CISD2: variants seen among roughly 807,000 people sequenced by gnomAD.
The protein encoded by CISD2 is CDGSH iron sulfur domain 2, also known as CDGSH iron-sulfur domain-containing protein 2.
Under a neutral mutation model 12.9 loss-of-function variants are expected in CISD2, and 1 was observed. The ratio of observed to expected loss-of-function variants is 0.08; its 90% confidence interval spans 0.03 to 0.37. The LOEUF (loss-of-function observed/expected upper bound fraction) is 0.37. CISD2 is among the 10% of genes least tolerant of loss of function. The pLI, the probability that CISD2 is intolerant of heterozygous loss-of-function variation, is 0.99. For synonymous variants in CISD2, 50 were observed against 60.6 expected, an observed-to-expected ratio of 0.83 and a Z score of 0.81; for missense variants, 97 against 163.1, an observed-to-expected ratio of 0.59 and a Z score of 2.21.
intron 1 of CISD2, among the ~76,000 whole-genome samples, chr4:102,875,208 T>A (rs2110393691): frequency 6.6e-6 from 1 of 152,380 alleles, no homozygotes; most frequent in South Asian, 2.1e-4. Flanking sequence ...AAGCTCCTCC[T>A]CCCATATTCC....
At chr4:102,878,650 T>G (rs911046137) in intron 1 of CISD2, among the ~76,000 whole-genome samples, 1 of 152,216 alleles carries the variant, frequency 6.6e-6, no homozygotes, top group African/African-American at 2.4e-5. Flanking sequence ...TGAGACCACG[T>G]CAGCCTGGAT....
Position 102,869,075 on chromosome 4 carries a change from G to A in CISD2, c.-10G>A, listed in dbSNP as rs1733337542. ...GGGGCTCGGGAGAGGAGTGGACGCC[G>A]CTGGCCAGGATGGTGCTGGAGAGCG... On this transcript the variant is annotated 5_prime_UTR_variant, in exon 1 of 3. Coordinates refer to ENST00000273986, the MANE Select transcript of CISD2 (RefSeq NM_001008388.5). 6.2e-7 allele frequency: 1 copy of A among 1,605,234 alleles called. No homozygotes were observed. The highest frequency in any genetic ancestry group is 2.3e-5 in the East Asian group (1 of 44,432).
At chr4:102,869,519 T>A in intron 1 of CISD2, 1 of 702,470 alleles carries the variant, frequency 1.4e-6, no homozygotes, top group South Asian at 1.5e-5. Flanking sequence ...CTCTGTAGCG[T>A]ACTTGTTTAT....
Position 102,892,529 on chromosome 4 carries a change from A to G in CISD2, c.*5099A>G, listed in dbSNP as rs1197058815. On this transcript the variant is annotated 3_prime_UTR_variant, in exon 3 of 3. Coordinates refer to ENST00000273986, the MANE Select transcript of CISD2 (RefSeq NM_001008388.5). ...TTCAGAAAGACTATGTTTTTCAACC[A>G]GAGATGACATCACTCTAACTTTCCT... 6 of 152,250 alleles carry G rather than the reference A, an allele frequency of 3.9e-5. No homozygotes were observed. The highest frequency in any genetic ancestry group is 3.9e-4 in the Admixed American group (6 of 15,280). The allele number at this position is 152,250 out of a possible 1,614,324, so 9.4% of individuals were successfully genotyped here. A position where few individuals can be genotyped will look rare whatever the true frequency, so the allele number is the denominator to read the frequency against.
At chr4:102,884,135 A>G (rs549366052) in intron 1 of CISD2, among the ~76,000 whole-genome samples, 12 of 152,334 alleles carry the variant, frequency 7.9e-5, no homozygotes, top group Non-Finnish European at 1.5e-5. Flanking sequence ...TTGATTCATG[A>G]TAACTGACAA....
intron 1 of CISD2, among the ~76,000 whole-genome samples, chr4:102,876,363 A>G (rs1237552099): frequency 1.3e-5 from 2 of 152,230 alleles, no homozygotes; most frequent in Non-Finnish European, 2.9e-5. Flanking sequence ...CACTGGTTAC[A>G]TAGATATAAA....
At chr4:102,879,310 GAA>G (rs1318940440) in intron 1 of CISD2, among the ~76,000 whole-genome samples, 2 of 151,988 alleles carry the variant, frequency 1.3e-5, no homozygotes, top group African/African-American at 4.8e-5. Context: ...TTAACAATGA[GAA>G]ATTGATTTAT....
At chr4:102,869,713 G>A (rs956534137) in intron 1 of CISD2, among the ~76,000 whole-genome samples, 2 of 152,132 alleles carry the variant, frequency 1.3e-5, no homozygotes, top group African/African-American at 4.8e-5. Context: ...ATTCCCTCAG[G>A]TTAGAATTGA....
At chr4:102,869,210 T>C in intron 1 of CISD2, 23 bp downstream of exon 1, 1 of 1,588,496 alleles carries the variant, frequency 6.3e-7, no homozygotes. Context: ...CATCAGCCAG[T>C]CCCCATCCTT....
chr4:102,873,338 A>G (rs1167193973), intron 1 of CISD2, among the ~76,000 whole-genome samples: 2 of 151,942 alleles, frequency 1.3e-5, no homozygotes, highest in Non-Finnish European at 2.9e-5. Flanking sequence ...CATGATCTCT[A>G]CCCACTCATT....
At position 102,869,088 on chromosome 4, in the gene CISD2, G is replaced by T; in HGVS notation, c.4G>T (p.Val2Leu). The change falls in exon 1 of 3, where the codon GTG (valine) becomes TTG (leucine). Residue 2 changes from valine (V) to leucine (L), a missense_variant. By Grantham distance (32) the Val-to-Leu change is conservative. Coordinates refer to ENST00000273986, the MANE Select transcript of CISD2 (RefSeq NM_001008388.5). ...GGAGTGGACGCCGCTGGCCAGGATG[G>T]TGCTGGAGAGCGTGGCCCGTATCGT... is the stretch of plus-strand genomic sequence containing the variant. M[V>L]LESVARIVKV... 1.2e-6 allele frequency: 2 copies of T among 1,610,358 alleles called. No individual in the cohort carries two copies. Among genetic ancestry groups the T allele is most frequent in the Non-Finnish European group, 1.7e-6 (2 of 1,178,672 alleles).
chr4:102,879,364 AG>A (rs1328122362), intron 1 of CISD2, among the ~76,000 whole-genome samples: 7 of 152,048 alleles, frequency 4.6e-5, no homozygotes, highest in Admixed American at 6.6e-5. Context: ...AAAAATCAGA[AG>A]GGGGGGATTG....
chr4:102,870,127 G>A (rs1733394024), intron 1 of CISD2, among the ~76,000 whole-genome samples: 1 of 152,214 alleles, frequency 6.6e-6, no homozygotes, highest in Non-Finnish European at 1.5e-5. Context: ...TAATTCTGAG[G>A]TAAATAGGGT....
rs1159559645 is a variant in CISD2, at chr4:102,890,708, G to A, written c.*3278G>A. 6.6e-6 allele frequency: 1 copy of A among 151,896 alleles called. No homozygotes were observed. Among genetic ancestry groups the A allele is most frequent in the Non-Finnish European group, 1.5e-5 (1 of 68,044 alleles). The allele number at this position is 151,896 out of a possible 1,614,324, so 9.4% of individuals were successfully genotyped here. ...AATGCAAAAATTAGCCGGGCACAGT[G>A]GCGCACCAGTAGTCCCAGTTACTCG... On this transcript the variant is annotated 3_prime_UTR_variant, in exon 3 of 3. Transcript: ENST00000273986.
intron 1 of CISD2, among the ~76,000 whole-genome samples, chr4:102,883,172 C>T (rs890872060): frequency 6.6e-6 from 1 of 152,218 alleles, no homozygotes; most frequent in South Asian, 2.1e-4. Context: ...GCATGCCTTT[C>T]ATATGCAAAC....
rs756757274 is a variant in CISD2, at chr4:102,890,840, T to TGAAAAAAAAAAAAA, written c.*3410_*3411insGAAAAAAAAAAAAA. On this transcript the variant is annotated 3_prime_UTR_variant, in exon 3 of 3. Transcript: ENST00000273986. Reference sequence around the variant, plus strand: ...GGGCAACAGAAGTGAAACCCTATCTTAAAAAAAAAAAAAGTCTTTTTTTTT... The same window carrying TGAAAAAAAAAAAAA: ...GGGCAACAGAAGTGAAACCCTATCTTGAAAAAAAAAAAAAAAAAAAAAAAAAAGTCTTTTTTTTT... 2.6e-5 allele frequency: 2 copies of TGAAAAAAAAAAAAA among 76,232 alleles called. 1 individual carries two copies. The highest frequency in any genetic ancestry group is 1.7e-4 in the African/African-American group (2 of 11,584). The allele number at this position is 76,232 out of a possible 1,614,324, so 4.7% of individuals were successfully genotyped here.
intron 1 of CISD2, among the ~76,000 whole-genome samples, chr4:102,880,984 C>G (rs1422935213): frequency 4.1e-5 from 6 of 146,564 alleles, no homozygotes; most frequent in Non-Finnish European, 7.5e-5. Context: ...GAGCGAGACG[C>G]TGTCTCAAAA....
intron 1 of CISD2, among the ~76,000 whole-genome samples, chr4:102,873,562 A>G (rs113662655): frequency 6.6e-6 from 1 of 152,022 alleles, no homozygotes; most frequent in African/African-American, 2.4e-5. Flanking sequence ...GGTGTGAGGC[A>G]CTGTGAGTGG....
chr4:102,880,025 C>T (rs114738323), intron 1 of CISD2, among the ~76,000 whole-genome samples: 1,806 of 152,080 alleles, frequency 0.012, 16 homozygotes, highest in Non-Finnish European at 0.02. Context: ...TCACTGCCAC[C>T]TCCACTTCCG....
Sources: gnomAD v4.1 joint callset for allele counts (sites outside exome capture counted in the v4.1 genomes callset) on GRCh38, gnomAD v4.1.1 for gene constraint, MANE v1.5 for transcripts, NCBI Gene and HGNC (gene_info 2026-07-23, HGNC 2026-07-21) for gene names.